SCHIP1: variants seen among roughly 807,000 people sequenced by gnomAD.
SCHIP1 encodes the protein schwannomin interacting protein 1.
SCHIP1 carries 8 observed loss-of-function variants against 29.7 expected under a neutral mutation model. The ratio of observed to expected loss-of-function variants is 0.27; its 90% confidence interval spans 0.16 to 0.49. SCHIP1 has a LOEUF of 0.49. Ranked by LOEUF, SCHIP1 falls within the 20% of genes least tolerant of loss-of-function variation. SCHIP1 has a pLI of 0.99. For missense variants in SCHIP1, 193 were observed against 294.6 expected, an observed-to-expected ratio of 0.66 and a Z score of 2.52; for synonymous variants, 76 against 94.9, an observed-to-expected ratio of 0.80 and a Z score of 1.16.
At chr3:159,611,163 C>G in the SCHIP1 span, among the ~76,000 whole-genome samples, 1 of 152,150 alleles carries the variant, frequency 6.6e-6, no homozygotes, top group African/African-American at 2.4e-5. Context: ...CTATTACAAA[C>G]TCTGTGTAGA....
At chr3:159,760,762 T>A in the SCHIP1 span, among the ~76,000 whole-genome samples, 1 of 152,196 alleles carries the variant, frequency 6.6e-6, no homozygotes, top group East Asian at 1.9e-4. Context: ...GTGACCAGAT[T>A]TAGTTTTACA....
At chr3:159,663,403 C>T in the SCHIP1 span, among the ~76,000 whole-genome samples, 1 of 152,108 alleles carries the variant, frequency 6.6e-6, no homozygotes, top group Admixed American at 6.6e-5. Context: ...CAGAGTGGCT[C>T]AGTGAGAAGA....
the SCHIP1 span, among the ~76,000 whole-genome samples, chr3:159,599,419 TTCCCCAAAG>T: frequency 6.6e-6 from 1 of 152,140 alleles, no homozygotes; most frequent in Non-Finnish European, 1.5e-5. Flanking sequence ...CTCCTGCCCT[TTCCCCAAAG>T]TCCCCAAAGT....
chr3:159,592,392 G>A, the SCHIP1 span, among the ~76,000 whole-genome samples: 63 of 151,878 alleles, frequency 4.1e-4, no homozygotes, highest in Admixed American at 7.9e-4. Context: ...TTATAGATTG[G>A]ATAAGCCTTC....
the SCHIP1 span, among the ~76,000 whole-genome samples, chr3:159,591,848 A>G: frequency 2.6e-5 from 4 of 152,188 alleles, 1 homozygote; most frequent in East Asian, 1.9e-4. Flanking sequence ...TGAAGGGTTG[A>G]GAGGTGCAGC....
the SCHIP1 span, among the ~76,000 whole-genome samples, chr3:159,694,268 A>G: frequency 1.4e-3 from 188 of 135,826 alleles, no homozygotes; most frequent in African/African-American, 5.9e-3. Flanking sequence ...AACCCTAATC[A>G]CAGCACTTTG....
At chr3:159,706,107 C>T in the SCHIP1 span, among the ~76,000 whole-genome samples, 2 of 152,188 alleles carry the variant, frequency 1.3e-5, no homozygotes, top group South Asian at 2.1e-4. Context: ...AAGAGCACTA[C>T]ACATAGCATG....
At chr3:159,601,433 G>A in the SCHIP1 span, among the ~76,000 whole-genome samples, 1 of 152,300 alleles carries the variant, frequency 6.6e-6, no homozygotes, top group Non-Finnish European at 1.5e-5. Flanking sequence ...AGACCATACT[G>A]CCAGTTAGGT....
chr3:159,288,092 G>A, the SCHIP1 span, among the ~76,000 whole-genome samples: 10 of 152,048 alleles, frequency 6.6e-5, no homozygotes, highest in African/African-American at 2.4e-4. Flanking sequence ...CCACTTTGAG[G>A]TATACTACAT....
the SCHIP1 span, among the ~76,000 whole-genome samples, chr3:159,396,807 G>T: frequency 6.6e-6 from 1 of 151,832 alleles, no homozygotes; most frequent in Admixed American, 6.6e-5. Context: ...TCCTGGAGTT[G>T]CTCTTCTCGA....
chr3:159,339,339 T>C, the SCHIP1 span, among the ~76,000 whole-genome samples: 22 of 152,140 alleles, frequency 1.4e-4, no homozygotes, highest in African/African-American at 4.3e-4. Context: ...TTTGCTATTT[T>C]GGTAAATAAA....
chr3:159,630,979 G>C, the SCHIP1 span, among the ~76,000 whole-genome samples: 1 of 151,852 alleles, frequency 6.6e-6, no homozygotes, highest in Non-Finnish European at 1.5e-5. Flanking sequence ...TGAATTACAA[G>C]GAAAGTACCA....
At chr3:159,808,773 T>G in the SCHIP1 span, among the ~76,000 whole-genome samples, 12 of 151,968 alleles carry the variant, frequency 7.9e-5, no homozygotes, top group African/African-American at 2.7e-4. Flanking sequence ...ATACAAAAAA[T>G]AAGCTAATTA....
chr3:159,373,699 G>A, the SCHIP1 span, among the ~76,000 whole-genome samples: 1 of 152,016 alleles, frequency 6.6e-6, no homozygotes, highest in Admixed American at 6.6e-5. Context: ...TTAGCAGAAT[G>A]TTCTCCAATT....
At chr3:159,297,967 C>T in the SCHIP1 span, among the ~76,000 whole-genome samples, 1 of 152,184 alleles carries the variant, frequency 6.6e-6, no homozygotes, top group African/African-American at 2.4e-5. Context: ...ATCTGACACA[C>T]CATGAGATAT....
the SCHIP1 span, among the ~76,000 whole-genome samples, chr3:159,565,016 C>T: frequency 6.6e-6 from 1 of 152,140 alleles, no homozygotes; most frequent in Non-Finnish European, 1.5e-5. Context: ...ATGTGCTTAG[C>T]TTTAGAAGAT....
At chr3:159,500,873 A>C in the SCHIP1 span, among the ~76,000 whole-genome samples, 2 of 152,140 alleles carry the variant, frequency 1.3e-5, no homozygotes, top group Non-Finnish European at 2.9e-5. Context: ...TCTATGTTAT[A>C]CTTATATATT....
At chr3:159,804,927 G>A in the SCHIP1 span, among the ~76,000 whole-genome samples, 1 of 152,132 alleles carries the variant, frequency 6.6e-6, no homozygotes, top group Non-Finnish European at 1.5e-5. Flanking sequence ...ATTCATCACT[G>A]TCTAGGGAGA....
At chr3:159,445,678 C>T in the SCHIP1 span, among the ~76,000 whole-genome samples, 1 of 152,020 alleles carries the variant, frequency 6.6e-6, no homozygotes, top group East Asian at 1.9e-4. Flanking sequence ...ACATATATAC[C>T]ATGTAACAGT....
Sources: gnomAD v4.1 joint callset for allele counts (sites outside exome capture counted in the v4.1 genomes callset) on GRCh38, gnomAD v4.1.1 for gene constraint, MANE v1.5 for transcripts, NCBI Gene and HGNC (gene_info 2026-07-23, HGNC 2026-07-21) for gene names.